The following FAM222B variants were observed in gnomAD, a reference collection of about 807,000 sequenced individuals.
FAM222B encodes protein FAM222B.
In FAM222B, 12 loss-of-function variants were observed where a neutral mutation model predicts 38.0. The observed-to-expected ratio is 0.32, with a 90% CI of 0.20 to 0.51. The LOEUF (loss-of-function observed/expected upper bound fraction) is 0.51. FAM222B is among the 20% of genes least tolerant of loss of function. The pLI is 0.97. For synonymous variants in FAM222B, 329 were observed against 317.2 expected (o/e 1.04, Z -0.40); for missense variants, 716 against 754.2 (o/e 0.95, Z 0.59).
chr17:28,799,297 CTT>C (rs35660613), intron 1 of FAM222B, among the ~76,000 whole-genome samples: 103 of 110,902 alleles, frequency 9.3e-4, no homozygotes, highest in East Asian at 4.2e-3. Flanking sequence ...CACAGAAAAA[CTT>C]TTTTTTTTTT....
At chr17:28,831,955 C>T (rs962005704) in intron 1 of FAM222B, among the ~76,000 whole-genome samples, 1 of 151,962 alleles carries the variant, frequency 6.6e-6, no homozygotes, top group Non-Finnish European at 1.5e-5. Context: ...TTTGGGAGGC[C>T]GAGGAGGGCA....
rs906321409 is a variant in FAM222B, at chr17:28,756,084, T to C, written c.*2186A>G. 1 of 152,568 alleles carries C rather than the reference T, an allele frequency of 6.6e-6. No individual in the cohort carries two copies. Among genetic ancestry groups the C allele is most frequent in the Admixed American group, 6.5e-5 (1 of 15,276 alleles). 9.5% of individuals were successfully genotyped at this position (152,568 alleles called of 1,614,324 possible). On this transcript the variant is annotated 3_prime_UTR_variant, in exon 3 of 3. Transcript: ENST00000581407. ...GAGATGGAGAATGAATGCTACAGTA[T>C]GTGGATAGAATGGGGAATCCAGGTA...
At position 28,850,340 on chromosome 17, in the gene FAM222B, C is replaced by T. The variant is rs568969529; in HGVS notation, c.-41+4610G>A. Among the ~76,000 whole-genome samples the T allele has an allele frequency of 1.3e-4, 19 of 151,596 alleles. No individual in the cohort carries two copies. The South Asian group carries it at 1.5e-3, about 12-fold the overall frequency. On this transcript the variant is annotated intron_variant, in intron 1 of 2. Transcript: ENST00000577513. ...TTTTTAAGACAGAGTCTTGCTCTGT[C>T]GCCCGGGCTGGAGTGCAGTGGTGCG...
intron 1 of FAM222B, among the ~76,000 whole-genome samples, chr17:28,819,557 A>G (rs972921316): frequency 2.0e-5 from 3 of 152,232 alleles, no homozygotes; most frequent in Admixed American, 1.3e-4. Flanking sequence ...GATGTCAAGC[A>G]TAAGTAATAC....
Position 28,758,201 on chromosome 17 carries a change from A to G in FAM222B, c.*69T>C. The stretch of plus-strand genomic sequence containing the variant: ...GAGCAGTGAAACTTTGAAACTATCC[A>G]GTTACTTAAAAGACTAAACCTAGGA... On this transcript the variant is annotated 3_prime_UTR_variant, in exon 3 of 3. Coordinates refer to ENST00000581407, the MANE Select transcript of FAM222B (RefSeq NM_001077498.3). The G allele has an allele frequency of 1.6e-6, 2 of 1,281,704 alleles. No homozygotes were observed. Among genetic ancestry groups the G allele is most frequent in the Non-Finnish European group, 2.2e-6 (2 of 922,748 alleles). The allele number at this position is 1,281,704 out of a possible 1,614,324, so 79.4% of individuals were successfully genotyped here. A position where few individuals can be genotyped will look rare whatever the true frequency, so the allele number is the denominator to read the frequency against.
intron 1 of FAM222B, among the ~76,000 whole-genome samples, chr17:28,789,845 G>A (rs1419948887): frequency 6.6e-6 from 1 of 152,210 alleles, no homozygotes; most frequent in Non-Finnish European, 1.5e-5. Flanking sequence ...GAAGGCACAA[G>A]ATGCTTAGTT....
At chr17:28,778,697 GTATATATATATA>G (rs1204895077) in intron 1 of FAM222B, among the ~76,000 whole-genome samples, 6 of 45,338 alleles carry the variant, frequency 1.3e-4, no homozygotes, top group Non-Finnish European at 1.4e-4. Flanking sequence ...GTGTGTGTGT[GTATATATATATA>G]TATATATATA....
In FAM222B at chr17:28,758,074, TA is replaced by T; in HGVS notation, c.*195del. ...CTGGGCTTAGGGTTAGGTTCTAACA[TA>T]AAACCAAAAGTTGCTGGAGGGGAGG... On this transcript the variant is annotated 3_prime_UTR_variant, in exon 3 of 3. Transcript: ENST00000581407. 1.9e-6 allele frequency: 1 copy of T among 533,532 alleles called. No homozygotes were observed. The highest frequency in any genetic ancestry group is 3.2e-6 in the Non-Finnish European group (1 of 308,964). 33.0% of individuals were successfully genotyped at this position (533,532 alleles called of 1,614,324 possible). A position where few individuals can be genotyped will look rare whatever the true frequency, so the allele number is the denominator to read the frequency against.
At chr17:28,839,924 C>T (rs1039582874) in intron 1 of FAM222B, among the ~76,000 whole-genome samples, 1 of 151,264 alleles carries the variant, frequency 6.6e-6, no homozygotes, top group African/African-American at 2.4e-5. Flanking sequence ...TGTGAATCTT[C>T]AAGAATCTAG....
intron 2 of FAM222B, among the ~76,000 whole-genome samples, chr17:28,760,586 AG>A (rs1329884875): frequency 7.0e-6 from 1 of 143,726 alleles, no homozygotes; most frequent in Admixed American, 7.1e-5. Flanking sequence ...TCTCAGAAAA[AG>A]AAAAAAAAAA....
At chr17:28,810,083 G>C (rs962518916) in intron 1 of FAM222B, among the ~76,000 whole-genome samples, 2 of 151,972 alleles carry the variant, frequency 1.3e-5, no homozygotes, top group African/African-American at 4.8e-5. Context: ...TGCAACCTCT[G>C]CCTCCCGGGT....
chr17:28,770,994 G>GTA (rs767821311), intron 1 of FAM222B, among the ~76,000 whole-genome samples: 10 of 149,996 alleles, frequency 6.7e-5, no homozygotes, highest in Admixed American at 6.7e-5. Context: ...ATATGTGTGT[G>GTA]TATATATATA....
intron 1 of FAM222B, among the ~76,000 whole-genome samples, chr17:28,820,141 A>C (rs1162728363): frequency 6.6e-6 from 1 of 152,222 alleles, no homozygotes; most frequent in Non-Finnish European, 1.5e-5. Flanking sequence ...GTGAGGTGTC[A>C]GGGTAAAGTT....
chr17:28,798,306 C>G lies in FAM222B; in HGVS notation c.-40-31599G>C, dbSNP rs182186376. 4.8e-3 allele frequency among the ~76,000 whole-genome samples: 723 copies of G among 152,140 alleles called. 2 individuals are homozygous for G. The highest frequency in any genetic ancestry group is 0.014 in the South Asian group (65 of 4,812). ...CTAAGGTCAGAGAATCACCTGAGCC[C>G]AGGAGGTTGAGGCTGCAGTGAGCCA... On this transcript the variant is annotated intron_variant, in intron 1 of 2. Coordinates refer to ENST00000581407, the MANE Select transcript of FAM222B (RefSeq NM_001077498.3).
At position 28,842,719 on chromosome 17, in the gene FAM222B, T is replaced by TGCCGCCCGCCGCCC. The variant is rs377687720; in HGVS notation, c.-92_-79dup. ...GGCCCGGCCCTCATGGCTGCTCCTT[T>TGCCGCCCGCCGCCC]GCCGCCCGCCGCCCGCCGCCACCAC... On this transcript the variant is annotated 5_prime_UTR_variant, in exon 1 of 3. Coordinates refer to ENST00000581407, the MANE Select transcript of FAM222B (RefSeq NM_001077498.3). The TGCCGCCCGCCGCCC allele has an allele frequency of 2.2e-3, 343 of 153,666 alleles. 1 individual carries two copies. The highest frequency in any genetic ancestry group is 7.5e-3 in the African/African-American group (308 of 41,228). The allele number at this position is 153,666 out of a possible 1,614,324, so 9.5% of individuals were successfully genotyped here. A position where few individuals can be genotyped will look rare whatever the true frequency, so the allele number is the denominator to read the frequency against.
chr17:28,788,480 C>T (rs2036518959), intron 1 of FAM222B, among the ~76,000 whole-genome samples: 1 of 152,028 alleles, frequency 6.6e-6, no homozygotes, highest in Non-Finnish European at 1.5e-5. Flanking sequence ...CTCAGGCAAT[C>T]TGCCTGCCTC....
chr17:28,836,925 C>T (rs2152623541), intron 1 of FAM222B, among the ~76,000 whole-genome samples: 2 of 152,072 alleles, frequency 1.3e-5, no homozygotes, highest in South Asian at 4.1e-4. Flanking sequence ...CGAGACCAGC[C>T]CAGCCAACAT....
intron 1 of FAM222B, among the ~76,000 whole-genome samples, chr17:28,820,762 T>C (rs2038184660): frequency 6.6e-6 from 1 of 151,560 alleles, no homozygotes; most frequent in Non-Finnish European, 1.5e-5. Context: ...GCCTCCCGAG[T>C]AGCGGGAATT....
intron 1 of FAM222B, among the ~76,000 whole-genome samples, chr17:28,850,779 T>C (rs1325340563): frequency 2.0e-5 from 3 of 152,128 alleles, no homozygotes; most frequent in Non-Finnish European, 2.9e-5. Context: ...TCGTGTGCAG[T>C]GTCTGACCAA....
Sources: allele counts gnomAD v4.1 joint callset (sites outside exome capture counted in the v4.1 genomes callset), GRCh38; gene constraint gnomAD v4.1.1; transcripts MANE v1.5; gene names NCBI Gene and HGNC (gene_info 2026-07-23, HGNC 2026-07-21).